Variants in TBC1D1 observed in about 807,000 individuals in gnomAD.
TBC1D1 encodes TBC1 domain family member 1, also known as TBC1 (tre-2/USP6, BUB2, cdc16) domain family, member 1.
In TBC1D1, 89 loss-of-function variants were observed where a neutral mutation model predicts 125.6. The observed-to-expected ratio is 0.71, with a 90% CI of 0.60 to 0.85. The LOEUF (loss-of-function observed/expected upper bound fraction) is 0.85. Among genes scored for constraint, TBC1D1 ranks in the 40% least tolerant of loss-of-function variants. The pLI, the probability that TBC1D1 is intolerant of heterozygous loss-of-function variation, is 0.00. For missense variants in TBC1D1, 1,377 were observed against 1,469.2 expected (o/e 0.94, Z 1.03); for synonymous variants, 565 against 564.1 (o/e 1.00, Z -0.02).
chr4:38,042,288 G>A (rs1247179709), intron 8 of TBC1D1, among the ~76,000 whole-genome samples: 2 of 151,986 alleles, frequency 1.3e-5, no homozygotes, highest in African/African-American at 4.8e-5. Context: ...CAAGTCTCAC[G>A]CTGTCACCCA....
intron 2 of TBC1D1, among the ~76,000 whole-genome samples, chr4:37,981,186 G>A (rs975114742): frequency 6.6e-6 from 1 of 152,104 alleles, no homozygotes; most frequent in Non-Finnish European, 1.5e-5. Context: ...CAAGTGATCT[G>A]CCCACCTCCG....
At chr4:37,939,824 G>C (rs543601177) in intron 2 of TBC1D1, among the ~76,000 whole-genome samples, 23 of 152,326 alleles carry the variant, frequency 1.5e-4, no homozygotes. Flanking sequence ...TCAAAGATCA[G>C]ATGGTTATAG....
chr4:38,049,364 T>C (rs970509043), intron 10 of TBC1D1, among the ~76,000 whole-genome samples: 1 of 152,174 alleles, frequency 6.6e-6, no homozygotes, highest in African/African-American at 2.4e-5. Flanking sequence ...CGTTACAGAT[T>C]GTGGCTTATG....
intron 2 of TBC1D1, among the ~76,000 whole-genome samples, chr4:37,992,867 C>T (rs1407875829): frequency 3.6e-4 from 54 of 148,606 alleles, no homozygotes; most frequent in African/African-American, 1.2e-3. Flanking sequence ...TGCAGTGGCG[C>T]GATCTCAGCT....
chr4:38,095,236 T>G (rs1759126201), intron 13 of TBC1D1, among the ~76,000 whole-genome samples: 1 of 152,236 alleles, frequency 6.6e-6, no homozygotes, highest in Non-Finnish European at 1.5e-5. Flanking sequence ...GAACTTCAGT[T>G]TCTGTGGCCA....
chr4:38,005,849 A>G (rs902240334), intron 2 of TBC1D1, among the ~76,000 whole-genome samples: 17 of 152,328 alleles, frequency 1.1e-4, no homozygotes, highest in Middle Eastern at 3.4e-3. Context: ...CTGCCATGCC[A>G]GGGGACTGAC....
At chr4:38,125,308 T>G (rs1764466024) in intron 18 of TBC1D1, among the ~76,000 whole-genome samples, 177 bp downstream of exon 20, 2 of 152,164 alleles carry the variant, frequency 1.3e-5, no homozygotes, top group Admixed American at 1.3e-4. Flanking sequence ...GTGTGTGTGT[T>G]GTGAGCGTCA....
At chr4:38,072,490 A>G (rs955195648) in intron 12 of TBC1D1, among the ~76,000 whole-genome samples, 4 of 152,198 alleles carry the variant, frequency 2.6e-5, no homozygotes, top group African/African-American at 9.7e-5. Context: ...ATCATAATGT[A>G]TATTTCTGTG....
intron 8 of TBC1D1, among the ~76,000 whole-genome samples, chr4:38,044,086 T>G (rs1313979731): frequency 6.6e-6 from 1 of 152,254 alleles, no homozygotes; most frequent in African/African-American, 2.4e-5. Flanking sequence ...TGAAGACAGA[T>G]CTCTGATCCA....
At chr4:38,067,796 TGTA>T (rs1274509726) in intron 12 of TBC1D1, among the ~76,000 whole-genome samples, 2 of 152,154 alleles carry the variant, frequency 1.3e-5, no homozygotes, top group Admixed American at 1.3e-4. Flanking sequence ...CAGATGTTCT[TGTA>T]GTACGAAAAG....
intron 14 of TBC1D1, among the ~76,000 whole-genome samples, chr4:38,102,669 A>G (rs1179893511): frequency 3.3e-5 from 5 of 152,046 alleles, no homozygotes; most frequent in African/African-American, 1.2e-4. Context: ...GCTTGAGCCC[A>G]GGAGTTTGAG....
chr4:37,999,736 G>A (rs1170799463), intron 2 of TBC1D1, among the ~76,000 whole-genome samples: 1 of 152,246 alleles, frequency 6.6e-6, no homozygotes, highest in Non-Finnish European at 1.5e-5. Context: ...GTTGTCAGAT[G>A]TGAGCTGCAA....
intron 14 of TBC1D1, among the ~76,000 whole-genome samples, chr4:38,096,865 G>T (rs1185603597): frequency 2.6e-5 from 4 of 151,940 alleles, no homozygotes; most frequent in African/African-American, 4.8e-5. Context: ...TCAGCCTGTA[G>T]TAGATTGGAA....
At chr4:38,070,037 G>T (rs1193609850) in intron 12 of TBC1D1, among the ~76,000 whole-genome samples, 1 of 152,114 alleles carries the variant, frequency 6.6e-6, no homozygotes, top group African/African-American at 2.4e-5. Context: ...AGAGCTGGAG[G>T]GGGAGGGCAT....
At chr4:38,134,287 C>G (rs1005344988) in intron 19 of TBC1D1, among the ~76,000 whole-genome samples, 2 of 152,148 alleles carry the variant, frequency 1.3e-5, no homozygotes, top group African/African-American at 4.8e-5. Context: ...ATGCATTCCT[C>G]CCAGCGGGCA....
At chr4:37,944,610 C>G (rs1477659841) in intron 2 of TBC1D1, among the ~76,000 whole-genome samples, 1 of 152,232 alleles carries the variant, frequency 6.6e-6, no homozygotes, top group Admixed American at 6.5e-5. Context: ...GAGCGAGGGT[C>G]CATGGGTGTG....
chr4:38,077,700 G>A (rs554094427), intron 12 of TBC1D1, among the ~76,000 whole-genome samples: 4 of 146,680 alleles, frequency 2.7e-5, no homozygotes, highest in Admixed American at 1.4e-4. Flanking sequence ...AATTTCTCAA[G>A]TCTTGAGTCT....
chr4:38,063,245 C>T (rs745692255), intron 12 of TBC1D1, among the ~76,000 whole-genome samples: 1 of 152,186 alleles, frequency 6.6e-6, no homozygotes, highest in East Asian at 1.9e-4. Flanking sequence ...GAGGCCAGCA[C>T]GTGTCCAGGG....
At chr4:38,063,071 A>G (rs933824) in intron 12 of TBC1D1, among the ~76,000 whole-genome samples, 86,582 of 152,050 alleles carry the variant, frequency 0.57, 25,688 homozygotes, top group African/African-American at 0.74. Flanking sequence ...GTCCAAAGTG[A>G]GTGATCTTGA....
Sources: gnomAD v4.1 joint callset for allele counts (sites outside exome capture counted in the v4.1 genomes callset) on GRCh38, gnomAD v4.1.1 for gene constraint, MANE v1.5 for transcripts, NCBI Gene and HGNC (gene_info 2026-07-23, HGNC 2026-07-21) for gene names.